MVP: variants seen among roughly 807,000 people sequenced by gnomAD.
MVP encodes lung resistance-related protein.
A neutral mutation model predicts 83.5 loss-of-function variants in MVP; 62 were observed. The observed-to-expected ratio is 0.74, with a 90% CI of 0.61 to 0.92. MVP has a LOEUF of 0.92. Ranked by LOEUF, MVP falls within the 40% of genes least tolerant of loss-of-function variation. The pLI, the probability that MVP is intolerant of heterozygous loss-of-function variation, is 0.00. For synonymous variants in MVP, 505 were observed against 504.1 expected, an observed-to-expected ratio of 1.00 and a Z score of -0.02; for missense variants, 1,000 against 1,203.4, an observed-to-expected ratio of 0.83 and a Z score of 2.50.
At position 29,836,793 on chromosome 16, in the gene MVP, G is replaced by T. The variant is rs371196717; in HGVS notation, c.744G>T (p.Glu248Asp). 26 of 1,613,274 alleles carry T rather than the reference G, an allele frequency of 1.6e-5. No individual in the cohort carries two copies. The highest frequency in any genetic ancestry group is 2.7e-5 in the African/African-American group (2 of 74,902). ...GAGTGTCCCGCCGCACTGGGGAGGAGTGGCTGGTAACAGTGCAGGACACAG... is the reference window on the plus strand; with the variant it reads ...GAGTGTCCCGCCGCACTGGGGAGGATTGGCTGGTAACAGTGCAGGACACAG... ...FRGVSRRTGE[E>D]WLVTVQDTEA... is the part of the protein sequence containing the mutation. Residue 248 changes from glutamate to aspartate, a missense_variant, in exon 7 of 15, where the codon GAG becomes GAT. Physicochemically the swap from Glu to Asp is conservative, Grantham distance 45 (BLOSUM62 2). Coordinates refer to ENST00000357402, the MANE Select transcript of MVP (RefSeq NM_005115.5).
chr16:29,826,639 A>G (rs78228488), intron 1 of MVP, among the ~76,000 whole-genome samples: 2 of 150,320 alleles, frequency 1.3e-5, no homozygotes, highest in East Asian at 3.9e-4. Context: ...AAAAAAAAAA[A>G]AGGCCGGGCG....
intron 1 of MVP, 191 bp from the exon 2 acceptor site, chr16:29,830,323 CA>C (rs966368037): frequency 1.2e-4 from 56 of 477,614 alleles, no homozygotes; most frequent in African/African-American, 1.1e-3. Context: ...AAGGTAAGGT[CA>C]GGATGGGCTG....
intron 1 of MVP, among the ~76,000 whole-genome samples, chr16:29,828,342 T>C (rs1383900993): frequency 6.6e-6 from 1 of 152,134 alleles, no homozygotes; most frequent in Non-Finnish European, 1.5e-5. Context: ...TTCTCATCAT[T>C]GTAGAAAGCT....
At chr16:29,824,157 A>C (rs927663996) in intron 1 of MVP, among the ~76,000 whole-genome samples, 3 of 130,664 alleles carry the variant, frequency 2.3e-5, no homozygotes, top group African/African-American at 8.6e-5. Flanking sequence ...CAGAGGTTGC[A>C]GTGAGCCGAG....
chr16:29,840,460 G>A lies in MVP; in HGVS notation c.1191+1G>A, dbSNP rs1168873471. On this transcript the variant is annotated splice_donor_variant, in intron 8 of 14. Coordinates refer to ENST00000357402, the MANE Select transcript of MVP (RefSeq NM_005115.5). LOFTEE classifies it high-confidence loss of function. ...TGTGCAGGATGTCAAGACCGGAAAGGTAATGGCTGGGAGTGAGCAGCAGTG... is the reference window on the plus strand; with the variant it reads ...TGTGCAGGATGTCAAGACCGGAAAGATAATGGCTGGGAGTGAGCAGCAGTG... 5 of 1,564,962 alleles carry A rather than the reference G, an allele frequency of 3.2e-6. No homozygotes were observed. In the South Asian group the frequency reaches 5.9e-5, roughly 18 times the overall value.
rs780216852 is a variant in MVP at position 29,847,252 on chromosome 16, G to A, written c.2321G>A (p.Arg774Gln). 14 of 1,613,624 alleles carry A rather than the reference G, an allele frequency of 8.7e-6. No individual in the cohort carries two copies. Among genetic ancestry groups the A allele is most frequent in the South Asian group, 3.3e-5 (3 of 91,084 alleles). ...KVRELELVYARAQLELEVSKA... is the reference protein window; with the variant it reads ...KVRELELVYAQAQLELEVSKA... ...CGAGAGCTGGAACTGGTCTATGCCC[G>A]GGCCCAGCTGGAGCTGGAGGTGAGC... is the stretch of plus-strand genomic sequence containing the variant. The change falls in exon 14 of 15, where the codon CGG becomes CAG. Residue 774 changes from arginine to glutamine, a missense_variant. Arg to Gln is a conservative substitution (Grantham distance 43, BLOSUM62 1). Transcript: ENST00000357402.
intron 10 of MVP, among the ~76,000 whole-genome samples, chr16:29,843,525 G>T (rs2067551584): frequency 3.8e-5 from 1 of 26,124 alleles, no homozygotes; most frequent in African/African-American, 2.2e-4. Context: ...AGGGAGGAAG[G>T]GAGGAAGGGA....
chr16:29,846,033 C>T, intron 12 of MVP, 54 bp downstream of exon 12: 2 of 1,611,882 alleles, frequency 1.2e-6, no homozygotes, highest in Non-Finnish European at 1.7e-6. Context: ...CTTAGGACAG[C>T]AGCTGGTGTG....
At chr16:29,833,445 C>T (rs901397872) in intron 3 of MVP, 43 of 320,120 alleles carry the variant, frequency 1.3e-4, no homozygotes, top group East Asian at 4.0e-4. Context: ...TACAGGTGTG[C>T]GCCGCCACCA....
intron 1 of MVP, among the ~76,000 whole-genome samples, chr16:29,822,919 T>C (rs899470507): frequency 6.6e-6 from 1 of 152,068 alleles, no homozygotes; most frequent in African/African-American, 2.4e-5. Flanking sequence ...AGTTTCACCA[T>C]GTTGGCCAGG....
Position 29,836,737 on chromosome 16 carries a change from CG to C in MVP, c.691del (p.Ala231LeufsTer21), listed in dbSNP as rs777611790. 8 of 1,594,010 alleles carry C rather than the reference CG, an allele frequency of 5.0e-6. No individual in the cohort carries two copies. The highest frequency in any genetic ancestry group is 1.3e-5 in the African/African-American group (1 of 74,650). ...TGCTCTGCAGACAGCCCTGCACCTC[CG>C]GGCTCGGCGGAACTTCCGGGACTTC... ...ILTEKTALHL[R>X]ARRNFRDFRG... On this transcript the variant is annotated frameshift_variant, in exon 7 of 15. Coordinates refer to ENST00000357402, the MANE Select transcript of MVP (RefSeq NM_005115.5). LOFTEE classifies it high-confidence loss of function.
At chr16:29,821,752 A>T (rs566656583) in intron 1 of MVP, among the ~76,000 whole-genome samples, 1 of 152,228 alleles carries the variant, frequency 6.6e-6, no homozygotes, top group South Asian at 2.1e-4. Flanking sequence ...TCTTGTGAGG[A>T]TAACATGAGT....
intron 5 of MVP, 43 bp downstream of exon 5, chr16:29,834,109 G>A: frequency 6.2e-7 from 1 of 1,600,784 alleles, no homozygotes. Context: ...GGCAGGAGGG[G>A]TCCCCACTGC....
chr16:29,834,365 G>A lies in MVP; in HGVS notation c.577+299G>A, dbSNP rs117342033. The A allele has an allele frequency of 2.9e-3, 1,071 of 375,412 alleles. 32 individuals are homozygous for A. In the East Asian group the frequency reaches 0.057, roughly 20 times the overall value. The allele number at this position is 375,412 out of a possible 1,614,324, so 23.3% of individuals were successfully genotyped here. ...CTGATTCTGGATCAACAAAGAAGAT[G>A]TTCAAATACAATTGACAAATGTAGG... is the stretch of plus-strand genomic sequence containing the variant. On this transcript the variant is annotated intron_variant, in intron 5 of 14. Coordinates refer to ENST00000357402, the MANE Select transcript of MVP (RefSeq NM_005115.5).
At chr16:29,838,854 C>T (rs549747405) in intron 7 of MVP, among the ~76,000 whole-genome samples, 47 of 152,028 alleles carry the variant, frequency 3.1e-4, no homozygotes, top group Non-Finnish European at 6.2e-4. Context: ...TAATGACATA[C>T]GTGCTACAAC....
At chr16:29,839,182 C>G (rs2067512509) in intron 7 of MVP, among the ~76,000 whole-genome samples, 1 of 152,068 alleles carries the variant, frequency 6.6e-6, no homozygotes, top group Non-Finnish European at 1.5e-5. Flanking sequence ...AGCCGAGACT[C>G]CATCTCAAAA....
chr16:29,836,054 C>T (rs899349513), intron 6 of MVP, among the ~76,000 whole-genome samples: 2 of 151,596 alleles, frequency 1.3e-5, no homozygotes, highest in African/African-American at 4.9e-5. Flanking sequence ...TCACTTGAGG[C>T]CAGGAGTCTG....
At position 29,830,431 on chromosome 16, in the gene MVP, C is replaced by G. The variant is rs138476745; in HGVS notation, c.-35-84C>G. ...TGGCTGGAGGAGGTAGGGCCGTATC[C>G]CACCCAGAGTCTGTCACCAGATTCA... On this transcript the variant is annotated intron_variant, in intron 1 of 14. Transcript: ENST00000357402. 2.3e-3 allele frequency: 2,788 copies of G among 1,239,054 alleles called. 6 individuals carry two copies. Among genetic ancestry groups the G allele is most frequent in the Non-Finnish European group, 3.0e-3 (2,581 of 871,970 alleles). The allele number at this position is 1,239,054 out of a possible 1,614,324, so 76.8% of individuals were successfully genotyped here. A position where few individuals can be genotyped will look rare whatever the true frequency, so the allele number is the denominator to read the frequency against.
chr16:29,840,225 C>T lies in MVP; in HGVS notation c.957C>T (p.Gly319=), dbSNP rs759496642. Residue 319 remains glycine (G), a synonymous_variant, in exon 8 of 15, where the codon GGC becomes GGT. Transcript: ENST00000357402. ...AGCCAGGAGAGCAGCTGGAACAAGG[C>T]ATCCAGGATGTGTATGTGCTGTCGG... The part of the protein sequence containing the change: ...FLQPGEQLEQ[G]IQDVYVLSEQ... The T allele has an allele frequency of 4.3e-6, 7 of 1,613,488 alleles. No homozygotes were observed. The African/African-American group carries it at 8.0e-5, about 18-fold the overall frequency.
Sources: allele counts gnomAD v4.1 joint callset (sites outside exome capture counted in the v4.1 genomes callset), GRCh38; gene constraint gnomAD v4.1.1; transcripts MANE v1.5; gene names NCBI Gene and HGNC (gene_info 2026-07-23, HGNC 2026-07-21).